The following RIC8A variants were observed in gnomAD, a reference collection of about 807,000 sequenced individuals.
RIC8A encodes RIC8 guanine nucleotide exchange factor A.
Under a neutral mutation model 48.4 loss-of-function variants are expected in RIC8A, and 37 were observed. The ratio of observed to expected loss-of-function variants is 0.77; its 90% CI spans 0.59 to 1.01. RIC8A has a LOEUF of 1.01. Among genes scored for constraint, RIC8A ranks in the 50% least tolerant of loss-of-function variants. The pLI is 0.00. For missense variants in RIC8A, 681 were observed against 696.8 expected, an observed-to-expected ratio of 0.98 and a Z score of 0.25; for synonymous variants, 288 against 283.4, an observed-to-expected ratio of 1.02 and a Z score of -0.16.
At chr11:212,384 G>A (rs780230247) in intron 5 of RIC8A, 32 bp from the exon 6 acceptor site, 1 of 1,602,526 alleles carries the variant, frequency 6.2e-7, no homozygotes. Flanking sequence ...TTAGGCAGGG[G>A]CATAGCCCCA....
chr11:210,375 G>A (rs1855323432), intron 3 of RIC8A, 196 bp from the exon 4 acceptor site: 1 of 711,484 alleles, frequency 1.4e-6, no homozygotes, highest in East Asian at 2.7e-5. Flanking sequence ...GGAGTTTTTA[G>A]GAAGACAGCA....
rs779585354 is a variant in RIC8A, at chr11:212,432, A to G, written c.986A>G (p.Glu329Gly). ...KRLHKTHRLK[E>G]SVAPVLSVLT... Reference sequence around the variant, plus strand: ...CCTCTACAGACACACAGGCTGAAGGAGAGTGTAGCTCCCGTGCTGAGCGTG... The same window carrying G: ...CCTCTACAGACACACAGGCTGAAGGGGAGTGTAGCTCCCGTGCTGAGCGTG... Residue 329 changes from glutamate (E) to glycine (G), a missense_variant, in exon 6 of 10, where the codon GAG becomes GGG. Coordinates refer to ENST00000526104, the MANE Select transcript of RIC8A (RefSeq NM_001286134.2). The G allele has an allele frequency of 1.1e-5, 18 of 1,613,758 alleles. No individual in the cohort carries two copies. Among genetic ancestry groups the G allele is most frequent in the Non-Finnish European group, 1.4e-5 (16 of 1,179,964 alleles).
chr11:211,478 G>A lies in RIC8A; in HGVS notation c.969+129G>A, dbSNP rs1855355877. On this transcript the variant is annotated intron_variant, in intron 5 of 9. Coordinates refer to ENST00000526104, the MANE Select transcript of RIC8A (RefSeq NM_001286134.2). The surrounding 1 kb of genome is among the most constrained non-coding windows in gnomAD (Gnocchi z 4.0). ...ATTGTCTTGGTGGTGTGATATGGGC[G>A]ACTCTTCCGGTTGTTCTGTGGTCCA... is the stretch of plus-strand genomic sequence containing the variant. 5 of 1,022,346 alleles carry A rather than the reference G, an allele frequency of 4.9e-6. No homozygotes were observed. Among genetic ancestry groups the A allele is most frequent in the Non-Finnish European group, 5.5e-6 (4 of 723,134 alleles). The allele number at this position is 1,022,346 out of a possible 1,614,324, so 63.3% of individuals were successfully genotyped here. A position where few individuals can be genotyped will look rare whatever the true frequency, so the allele number is the denominator to read the frequency against.
intron 1 of RIC8A, 120 bp from the exon 2 acceptor site, chr11:209,151 G>A (rs1000026443): frequency 1.6e-6 from 2 of 1,275,840 alleles, no homozygotes; most frequent in African/African-American, 1.5e-5. Flanking sequence ...GGCGAGTGCC[G>A]ACCCTGCCAT....
Position 209,883 on chromosome 11 carries a change from T to C in RIC8A, c.609T>C (p.Thr203=). ...TDTLELTLGV[T]PEGNPPPTLL... Reference sequence around the variant, plus strand: ...CACTGGAGCTGACGCTGGGGGTGACTCCTGAAGGGAACCCCCCACCCACGC... The same window carrying C: ...CACTGGAGCTGACGCTGGGGGTGACCCCTGAAGGGAACCCCCCACCCACGC... Residue 203 remains threonine (T), a synonymous_variant, in exon 3 of 10, where the codon ACT becomes ACC. Transcript: ENST00000526104. 6.3e-7 allele frequency: 1 copy of C among 1,599,964 alleles called. No homozygotes were observed. Among genetic ancestry groups the C allele is most frequent in the Non-Finnish European group, 8.5e-7 (1 of 1,175,608 alleles).
At chr11:209,079 G>A (rs1053178345) in intron 1 of RIC8A, 141 bp downstream of exon 1, 20 of 1,043,066 alleles carry the variant, frequency 1.9e-5, no homozygotes, top group Middle Eastern at 5.2e-4. Context: ...GGCAGGTCTG[G>A]GATGCAGTGT....
chr11:212,389 G>A (rs749727327), intron 5 of RIC8A, 27 bp from the exon 6 acceptor site: 1 of 1,608,206 alleles, frequency 6.2e-7, no homozygotes, highest in East Asian at 2.2e-5. Context: ...CAGGGGCATA[G>A]CCCCAGTGAC....
In RIC8A at chr11:211,944, C is replaced by T. The variant is rs541880270; in HGVS notation, c.970-472C>T. On this transcript the variant is annotated intron_variant, in intron 5 of 9. Coordinates refer to ENST00000526104, the MANE Select transcript of RIC8A (RefSeq NM_001286134.2). This position sits in a 1 kb window ranked among gnomAD's most constrained non-coding sequence, Gnocchi z 4.0. ...CAGCTAGGGGGTTGTCTGTGCCCGT[C>T]GCTGCCACTGCTGGTGCTGGGGTCC... is the stretch of plus-strand genomic sequence containing the variant. 26 of 186,732 alleles carry T rather than the reference C, an allele frequency of 1.4e-4. 1 individual carries two copies. The South Asian group carries it at 2.6e-3, about 19-fold the overall frequency. The allele number at this position is 186,732 out of a possible 1,614,324, so 11.6% of individuals were successfully genotyped here.
At position 212,687 on chromosome 11, in the gene RIC8A, C is replaced by T. The variant is rs1855393599; in HGVS notation, c.1138C>T (p.Leu380Phe). 2 of 1,614,098 alleles carry T rather than the reference C, an allele frequency of 1.2e-6. No individual in the cohort carries two copies. Among genetic ancestry groups the T allele is most frequent in the Non-Finnish European group, 1.7e-6 (2 of 1,180,026 alleles). ...GEMLRNKLVR[L>F]MTHLDTDVKR... ...GATGCTGCGGAACAAGCTTGTCCGC[C>T]TCATGACACACCTGGACACAGATGT... is the stretch of plus-strand genomic sequence containing the variant. Residue 380 changes from leucine (L) to phenylalanine (F), a missense_variant, in exon 7 of 10, where the codon CTC becomes TTC. By Grantham distance (22) the Leu-to-Phe change is conservative. Transcript: ENST00000526104.
At position 209,616 on chromosome 11, in the gene RIC8A, ACTGGAGTCC is replaced by A. The variant is rs1246326710; in HGVS notation, c.345_353del (p.Glu116_Leu118del). 1 of 1,614,018 alleles carries A rather than the reference ACTGGAGTCC, an allele frequency of 6.2e-7. No homozygotes were observed. Among genetic ancestry groups the A allele is most frequent in the Admixed American group, 1.7e-5 (1 of 60,020 alleles). On this transcript the variant is annotated inframe_deletion, in exon 3 of 10. Coordinates refer to ENST00000526104, the MANE Select transcript of RIC8A (RefSeq NM_001286134.2). ...CAGAGTCCGCAGACATGGATGTTGT[ACTGGAGTCC>A]CTCAAGTGCCTGTGCAACCTCGTGC...
chr11:210,024 G>A (rs1855310401), intron 3 of RIC8A, 24 bp downstream of exon 3: 1 of 1,538,068 alleles, frequency 6.5e-7, no homozygotes, highest in East Asian at 2.3e-5. Context: ...TTAACCCATG[G>A]ATGGGTCTCA....
At position 209,455 on chromosome 11, in the gene RIC8A, T is replaced by A. The variant is rs1247797543; in HGVS notation, c.181T>A (p.Ser61Thr). 1 of 1,604,916 alleles carries A rather than the reference T, an allele frequency of 6.2e-7. No homozygotes were observed. The highest frequency in any genetic ancestry group is 8.5e-7 in the Non-Finnish European group (1 of 1,172,770). ...CGTCCTGGAACAGGGCTTGCCACCC[T>A]CCCACCGTGTCATCTGGCTGCAGAG... ...VSVLEQGLPP[S>T]HRVIWLQSVR... is the part of the protein sequence containing the mutation. Residue 61 changes from serine to threonine, a missense_variant, in exon 3 of 10, where the codon TCC (serine) becomes ACC (threonine). By Grantham distance (58) the Ser-to-Thr change is moderately conservative. Transcript: ENST00000526104.
Position 212,646 on chromosome 11 carries a change from G to C in RIC8A, c.1097G>C (p.Arg366Pro). ...CCCCCTCTGCGGGATGTGAGGACAC[G>C]GCCTGAGGTTGGGGAGATGCTGCGG... is the stretch of plus-strand genomic sequence containing the variant. ...VLPPLRDVRTRPEVGEMLRNK... is the reference protein window; with the variant it reads ...VLPPLRDVRTPPEVGEMLRNK... The change falls in exon 7 of 10, where the codon CGG becomes CCG. Residue 366 changes from arginine (R) to proline (P), a missense_variant. Transcript: ENST00000526104. 6.2e-7 allele frequency: 1 copy of C among 1,614,070 alleles called. No individual in the cohort carries two copies. The highest frequency in any genetic ancestry group is 8.5e-7 in the Non-Finnish European group (1 of 1,180,004).
chr11:209,610 T>C lies in RIC8A; in HGVS notation c.336T>C (p.Asp112=), dbSNP rs780046449. The C allele has an allele frequency of 6.2e-7, 1 of 1,614,078 alleles. No individual in the cohort carries two copies. The highest frequency in any genetic ancestry group is 2.2e-5 in the East Asian group (1 of 44,892). ...CCGTCCCAGAGTCCGCAGACATGGA[T>C]GTTGTACTGGAGTCCCTCAAGTGCC... ...EGSVPESADM[D]VVLESLKCLC... Residue 112 remains aspartate, a synonymous_variant, in exon 3 of 10, where the codon GAT becomes GAC. Coordinates refer to ENST00000526104, the MANE Select transcript of RIC8A (RefSeq NM_001286134.2).
chr11:213,906 C>T (rs1855451360), intron 9 of RIC8A: 1 of 335,202 alleles, frequency 3.0e-6, no homozygotes, highest in South Asian at 2.9e-5. Flanking sequence ...GACATTGTGC[C>T]ACCGCACTCC....
rs576034750 is a variant in RIC8A, at chr11:211,910, C to A, written c.970-506C>A. 1 of 175,840 alleles carries A rather than the reference C, an allele frequency of 5.7e-6. No homozygotes were observed. Among genetic ancestry groups the A allele is most frequent in the South Asian group, 1.3e-4 (1 of 7,934 alleles). 10.9% of individuals were successfully genotyped at this position (175,840 alleles called of 1,614,324 possible). ...AGCCAGTCAGGATAGGGAGCTGGCACTGGACACACAGCTAGGGGGTTGTCT... is the reference window on the plus strand; with the variant it reads ...AGCCAGTCAGGATAGGGAGCTGGCAATGGACACACAGCTAGGGGGTTGTCT... On this transcript the variant is annotated intron_variant, in intron 5 of 9. Coordinates refer to ENST00000526104, the MANE Select transcript of RIC8A (RefSeq NM_001286134.2). This position sits in a 1 kb window ranked among gnomAD's most constrained non-coding sequence, Gnocchi z 4.0.
At position 209,910 on chromosome 11, in the gene RIC8A, C is replaced by T; in HGVS notation, c.636C>T (p.Leu212=). ...CTGAAGGGAACCCCCCACCCACGCT[C>T]CTTCCTTCCCAAGAGACTGAGCGGG... ...VTPEGNPPPT[L]LPSQETERAM... Residue 212 remains leucine (L), a synonymous_variant, in exon 3 of 10, where the codon CTC becomes CTT. Coordinates refer to ENST00000526104, the MANE Select transcript of RIC8A (RefSeq NM_001286134.2). 3.7e-6 allele frequency: 6 copies of T among 1,608,346 alleles called. No individual in the cohort carries two copies. The highest frequency in any genetic ancestry group is 5.1e-6 in the Non-Finnish European group (6 of 1,179,972).
intron 2 of RIC8A, 39 bp downstream of exon 2, chr11:209,357 T>C (rs530463371): frequency 6.2e-7 from 1 of 1,602,910 alleles, no homozygotes; most frequent in South Asian, 1.1e-5. Flanking sequence ...CAGGGACGGG[T>C]GGCCCCAGGA....
chr11:208,687 C>T lies in RIC8A; in HGVS notation c.-168C>T. ...GCCAGTTCTGCCTCAGGCCGCGCCCCCTTAAAGCGCCACCAGACGCTGCGC... is the reference window on the plus strand; with the variant it reads ...GCCAGTTCTGCCTCAGGCCGCGCCCTCTTAAAGCGCCACCAGACGCTGCGC... On this transcript the variant is annotated 5_prime_UTR_variant, in exon 1 of 10. Transcript: ENST00000526104. The surrounding 1 kb of genome is among the most constrained non-coding windows in gnomAD (Gnocchi z 4.8). 2 of 526,900 alleles carry T rather than the reference C, an allele frequency of 3.8e-6. No individual in the cohort carries two copies. Among genetic ancestry groups the T allele is most frequent in the Non-Finnish European group, 3.3e-6 (1 of 304,964 alleles). The allele number at this position is 526,900 out of a possible 1,614,324, so 32.6% of individuals were successfully genotyped here. A position where few individuals can be genotyped will look rare whatever the true frequency, so the allele number is the denominator to read the frequency against.
Sources: allele counts gnomAD v4.1 joint callset, GRCh38; gene constraint gnomAD v4.1.1; non-coding constraint Gnocchi (gnomAD v3.1); transcripts MANE v1.5; gene names NCBI Gene and HGNC (gene_info 2026-07-23, HGNC 2026-07-21).